The following DENND1A variants were observed in gnomAD, a reference collection of about 807,000 sequenced individuals.
DENND1A encodes DENN domain containing 1A, also known as DENN domain-containing protein 1A.
In DENND1A, 51 loss-of-function variants were observed where a neutral mutation model predicts 113.7. The observed-to-expected ratio is 0.45, with a 90% CI of 0.36 to 0.57. The LOEUF (loss-of-function observed/expected upper bound fraction) is 0.57, where lower values mean the gene tolerates loss of function less well. DENND1A is among the 20% of genes least tolerant of loss of function. DENND1A has a pLI of 0.00. For synonymous variants in DENND1A, 565 were observed against 570.8 expected, an observed-to-expected ratio of 0.99 and a Z score of 0.14; for missense variants, 1,258 against 1,395.9, an observed-to-expected ratio of 0.90 and a Z score of 1.57.
chr9:123,479,125 A>G (rs2050137722), intron 13 of DENND1A, among the ~76,000 whole-genome samples: 1 of 152,156 alleles, frequency 6.6e-6, no homozygotes, highest in Non-Finnish European at 1.5e-5. Flanking sequence ...CCATCTTTTC[A>G]CAGATCTGGA....
chr9:123,572,030 A>G (rs2058383048), intron 12 of DENND1A, among the ~76,000 whole-genome samples: 1 of 152,236 alleles, frequency 6.6e-6, no homozygotes, highest in Non-Finnish European at 1.5e-5. Flanking sequence ...ATACCTTAAG[A>G]TTCACCATCT....
At chr9:123,395,468 C>CTCTCTCTGTGTG (rs367751848) in intron 21 of DENND1A, among the ~76,000 whole-genome samples, 11 of 142,890 alleles carry the variant, frequency 7.7e-5, no homozygotes, top group East Asian at 4.2e-4. Context: ...CTCTCTCTCT[C>CTCTCTCTGTGTG]TGTGTGTGTG....
At chr9:123,615,091 T>C (rs143553126) in intron 10 of DENND1A, among the ~76,000 whole-genome samples, 27 of 152,322 alleles carry the variant, frequency 1.8e-4, no homozygotes, top group African/African-American at 6.3e-4. Flanking sequence ...GTGAGAGCGA[T>C]GAGACAGCTG....
chr9:123,763,385 A>G (rs2071208224), intron 4 of DENND1A, among the ~76,000 whole-genome samples: 1 of 152,154 alleles, frequency 6.6e-6, no homozygotes, highest in Admixed American at 6.5e-5. Context: ...GGGGAGCAAA[A>G]AGGCAGAATA....
At chr9:123,854,405 A>T (rs965198457) in intron 2 of DENND1A, among the ~76,000 whole-genome samples, 1 of 152,198 alleles carries the variant, frequency 6.6e-6, no homozygotes, top group Non-Finnish European at 1.5e-5. Context: ...ACAAAAAAAT[A>T]AAAAATGAAG....
At chr9:123,887,616 T>A (rs1054822581) in intron 1 of DENND1A, among the ~76,000 whole-genome samples, 1 of 146,946 alleles carries the variant, frequency 6.8e-6, no homozygotes, top group African/African-American at 2.5e-5. Flanking sequence ...CAAGCAGGCA[T>A]GAGGAGATCG....
Position 123,557,710 on chromosome 9 carries a change from A to G in DENND1A, c.868-15T>C. 2 of 1,613,200 alleles carry G rather than the reference A, an allele frequency of 1.2e-6. No individual in the cohort carries two copies. Among genetic ancestry groups the G allele is most frequent in the Non-Finnish European group, 1.7e-6 (2 of 1,179,500 alleles). On this transcript the variant is annotated splice_polypyrimidine_tract_variant and intron_variant, in intron 12 of 23. Coordinates refer to ENST00000394215, the MANE Select transcript of DENND1A (RefSeq NM_001352964.2). ...AGGGAAGAGATCTGGTGATGGAGAG[A>G]AGGAAAACACAGGTTGAGGACAGGG... is the stretch of plus-strand genomic sequence containing the variant.
intron 1 of DENND1A, among the ~76,000 whole-genome samples, chr9:123,890,680 T>C (rs1849770304): frequency 6.6e-6 from 1 of 152,204 alleles, no homozygotes; most frequent in African/African-American, 2.4e-5. Context: ...ATTACCATCA[T>C]TCTCATTTTA....
intron 1 of DENND1A, among the ~76,000 whole-genome samples, chr9:123,880,793 G>A (rs1310186261): frequency 2.0e-5 from 3 of 152,082 alleles, no homozygotes; most frequent in Admixed American, 6.5e-5. Flanking sequence ...TATTTCACTC[G>A]ATTCTAGAAT....
At chr9:123,507,706 T>C (rs1257043477) in intron 13 of DENND1A, among the ~76,000 whole-genome samples, 1 of 146,724 alleles carries the variant, frequency 6.8e-6, no homozygotes, top group African/African-American at 2.6e-5. Flanking sequence ...AAAAAGAAAA[T>C]TAGCCAGGCG....
chr9:123,379,954 C>A lies in DENND1A; in HGVS notation c.*1478G>T, dbSNP rs1048616. ...CCCAGGAGTGACACGGCTCCCCCAG[C>A]AGCCAGAGCCCATTCCTGAGCCAGA... On this transcript the variant is annotated 3_prime_UTR_variant, in exon 24 of 24. Transcript: ENST00000394215. The A allele has an allele frequency of 0.12, 17,764 of 152,356 alleles. 1,286 individuals are homozygous for A. Among genetic ancestry groups the A allele is most frequent in the East Asian group, 0.28 (1,461 of 5,184 alleles). The allele number at this position is 152,356 out of a possible 1,614,324, so 9.4% of individuals were successfully genotyped here.
At chr9:123,772,721 A>C (rs1249334800) in intron 3 of DENND1A, among the ~76,000 whole-genome samples, 1 of 152,152 alleles carries the variant, frequency 6.6e-6, no homozygotes, top group Non-Finnish European at 1.5e-5. Context: ...TAATGAGCAA[A>C]AAAGTGAATC....
At chr9:123,423,664 C>T (rs1378850796) in intron 19 of DENND1A, among the ~76,000 whole-genome samples, 1 of 152,156 alleles carries the variant, frequency 6.6e-6, no homozygotes, top group Admixed American at 6.5e-5. Context: ...TATGGCTGCA[C>T]ACGCTCATGT....
chr9:123,514,618 T>C (rs968365398), intron 13 of DENND1A, among the ~76,000 whole-genome samples: 1 of 152,168 alleles, frequency 6.6e-6, no homozygotes, highest in African/African-American at 2.4e-5. Flanking sequence ...TTTTTCACTT[T>C]TGTAGAAAGT....
Position 123,381,487 on chromosome 9 carries a change from G to C in DENND1A, c.3158C>G (p.Ala1053Gly), listed in dbSNP as rs776270301. 6.2e-7 allele frequency: 1 copy of C among 1,613,490 alleles called. No homozygotes were observed. Residue 1053 changes from alanine (A) to glycine (G), a missense_variant, in exon 24 of 24, where the codon GCC becomes GGC. Around this residue, in one of 2 missense-constraint regions of DENND1A, gnomAD observed 1,159 missense variants for 1,231.7 expected, o/e 0.94. Coordinates refer to ENST00000394215, the MANE Select transcript of DENND1A (RefSeq NM_001352964.2). The surrounding 1 kb of genome is among the most constrained non-coding windows in gnomAD (Gnocchi z 4.7). The stretch of plus-strand genomic sequence containing the variant: ...CTGCTCCACCGAGTCTGGGGCCGGG[G>C]CCAGGGCCGGACTCGGGCTCACGTC... The part of the protein sequence containing the change: ...KQDVSPSPAL[A>G]PAPDSVEQLR...
intron 18 of DENND1A, among the ~76,000 whole-genome samples, chr9:123,441,868 G>C (rs1381870507): frequency 2.0e-5 from 3 of 152,196 alleles, no homozygotes; most frequent in Non-Finnish European, 4.4e-5. Flanking sequence ...TTCTGCACAT[G>C]AGAAACTTGA....
At chr9:123,862,441 A>C (rs1038694755) in intron 2 of DENND1A, among the ~76,000 whole-genome samples, 1 of 152,214 alleles carries the variant, frequency 6.6e-6, no homozygotes, top group Admixed American at 6.5e-5. Flanking sequence ...CTCCATCAGA[A>C]GAATGTTCTT....
chr9:123,792,167 A>G (rs1833086468), intron 3 of DENND1A, among the ~76,000 whole-genome samples: 2 of 152,096 alleles, frequency 1.3e-5, no homozygotes, highest in African/African-American at 4.8e-5. Flanking sequence ...CATAACACAT[A>G]ATTTCATCAT....
chr9:123,744,275 T>C (rs1253158864), intron 5 of DENND1A, among the ~76,000 whole-genome samples: 2 of 152,188 alleles, frequency 1.3e-5, no homozygotes, highest in African/African-American at 4.8e-5. Context: ...ATATAAAAAT[T>C]TGTCTCTTGC....
Sources: gnomAD v4.1 joint callset for allele counts (sites outside exome capture counted in the v4.1 genomes callset) on GRCh38, gnomAD v4.1.1 for gene constraint, gnomAD v4.1.1 regional missense constraint, Gnocchi (gnomAD v3.1) non-coding constraint, MANE v1.5 for transcripts, NCBI Gene and HGNC (gene_info 2026-07-23, HGNC 2026-07-21) for gene names.